Variants in PTK2 observed in about 807,000 individuals in gnomAD.
PTK2 encodes protein tyrosine kinase 2.
A neutral mutation model predicts 150.1 loss-of-function variants in PTK2; 45 were observed. The observed-to-expected ratio is 0.30, with a 90% CI of 0.24 to 0.38. The LOEUF is 0.38. PTK2 is among the 10% of genes least tolerant of loss of function. PTK2 has a pLI of 1.00. For synonymous variants in PTK2, 432 were observed against 449.2 expected (o/e 0.96, Z 0.48); for missense variants, 919 against 1,307.3 (o/e 0.70, Z 4.58).
intron 10 of PTK2, among the ~76,000 whole-genome samples, chr8:140,805,625 A>C (rs1158860832): frequency 1.3e-5 from 2 of 151,578 alleles, no homozygotes; most frequent in Non-Finnish European, 2.9e-5. Context: ...AGGCATTCTC[A>C]CTGATTCTTC....
At chr8:140,946,453 T>A (rs1042606913) in intron 1 of PTK2, among the ~76,000 whole-genome samples, 1 of 152,130 alleles carries the variant, frequency 6.6e-6, no homozygotes, top group Non-Finnish European at 1.5e-5. Flanking sequence ...AGGAGTTCAG[T>A]ATATAACTTT....
intron 1 of PTK2, among the ~76,000 whole-genome samples, chr8:140,933,826 A>G (rs2100172744): frequency 6.6e-6 from 1 of 152,190 alleles, no homozygotes; most frequent in African/African-American, 2.4e-5. Flanking sequence ...GATTGTACTC[A>G]TTGTATAGTA....
intron 1 of PTK2, among the ~76,000 whole-genome samples, chr8:140,930,360 C>T (rs934920986): frequency 6.6e-6 from 1 of 152,154 alleles, no homozygotes; most frequent in African/African-American, 2.4e-5. Flanking sequence ...TACTTTAAAA[C>T]TCCTTTATCT....
In PTK2 at chr8:140,759,404, C is replaced by T. The variant is rs563108524; in HGVS notation, c.1332+1761G>A. Among the ~76,000 whole-genome samples, 87 of 151,792 alleles carry T rather than the reference C, an allele frequency of 5.7e-4. 1 individual carries two copies. Among genetic ancestry groups the T allele is most frequent in the African/African-American group, 2.0e-3 (81 of 41,374 alleles). On this transcript the variant is annotated intron_variant, in intron 16 of 31. Coordinates refer to ENST00000522684, the Ensembl canonical transcript of PTK2. ...AAATAATTAGCTGGGAATGATGGCA[C>T]ACACTTGTAGTCCCAGCTACTTGGT...
chr8:140,772,403 C>T (rs374786024), intron 14 of PTK2, among the ~76,000 whole-genome samples: 2 of 152,054 alleles, frequency 1.3e-5, no homozygotes, highest in South Asian at 4.1e-4. Flanking sequence ...TCCAGCCTGG[C>T]GACAGAGGGA....
intron 2 of PTK2, among the ~76,000 whole-genome samples, chr8:140,918,603 CG>C (rs1455940784): frequency 6.6e-6 from 1 of 152,078 alleles, no homozygotes; most frequent in Non-Finnish European, 1.5e-5. Flanking sequence ...CAAATTCAAC[CG>C]CACAGTGAGC....
chr8:140,706,375 G>A (rs192512005), intron 23 of PTK2, among the ~76,000 whole-genome samples, 170 bp from the exon 27 acceptor site: 51 of 152,316 alleles, frequency 3.3e-4, no homozygotes, highest in Admixed American at 1.0e-3. Flanking sequence ...ATGATGCTGT[G>A]GCAACTGGAT....
rs2100103178 is a variant in PTK2 at position 140,814,015 on chromosome 8, C to T, written c.867+4262G>A. 2.6e-5 allele frequency among the ~76,000 whole-genome samples: 4 copies of T among 152,114 alleles called. No homozygotes were observed. In the South Asian group the frequency reaches 8.3e-4, roughly 32 times the overall value. On this transcript the variant is annotated intron_variant, in intron 10 of 31. Coordinates refer to ENST00000522684, the Ensembl canonical transcript of PTK2. ...GAAATACAAATAACTATCAGAGAAT[C>T]TTAGGAACACCTCTATGCACATAAA...
chr8:140,784,650 C>G (rs1473513640), intron 14 of PTK2, among the ~76,000 whole-genome samples: 1 of 152,106 alleles, frequency 6.6e-6, no homozygotes, highest in Non-Finnish European at 1.5e-5. Context: ...ACTGCAGCAC[C>G]TGACTTTCAG....
chr8:140,879,697 AAAAAC>A, intron 3 of PTK2, 60 bp from the exon 4 acceptor site: 1 of 1,243,594 alleles, frequency 8.0e-7, no homozygotes, highest in Non-Finnish European at 1.0e-6. Context: ...AAAAAAAAAA[AAAAAC>A]CAAAACAAAA....
At chr8:140,925,573 A>G in intron 2 of PTK2, 88 bp downstream of exon 2, 1 of 763,842 alleles carries the variant, frequency 1.3e-6, no homozygotes, top group East Asian at 1.3e-4. Flanking sequence ...TTCCAAAGAC[A>G]GACAACAGGA....
intron 10 of PTK2, among the ~76,000 whole-genome samples, chr8:140,806,453 G>A (rs181128650): frequency 6.6e-6 from 1 of 152,206 alleles, no homozygotes; most frequent in Admixed American, 6.5e-5. Context: ...ACATCATTAT[G>A]TTGGTGGTGA....
At chr8:140,687,300 G>A (rs528597465) in intron 26 of PTK2, among the ~76,000 whole-genome samples, 4 of 152,266 alleles carry the variant, frequency 2.6e-5, no homozygotes, top group South Asian at 2.1e-4. Flanking sequence ...TATGGGTTAC[G>A]GGCCTTCTAC....
At chr8:140,842,383 G>C (rs894201302) in intron 7 of PTK2, among the ~76,000 whole-genome samples, 1 of 151,248 alleles carries the variant, frequency 6.6e-6, no homozygotes, top group Non-Finnish European at 1.5e-5. Context: ...TTTTTATCCT[G>C]ATTGACAATC....
At chr8:140,907,754 G>A (rs1442529382) in intron 2 of PTK2, among the ~76,000 whole-genome samples, 1 of 151,972 alleles carries the variant, frequency 6.6e-6, no homozygotes, top group Non-Finnish European at 1.5e-5. Flanking sequence ...TATTTCTATT[G>A]TAACTGTCTT....
intron 7 of PTK2, among the ~76,000 whole-genome samples, chr8:140,839,965 A>C (rs980091643): frequency 1.3e-5 from 2 of 152,236 alleles, no homozygotes; most frequent in South Asian, 4.1e-4. Context: ...ATTTCTTGTC[A>C]TAACAGAGTA....
chr8:140,787,952 C>T (rs562802805), intron 14 of PTK2, among the ~76,000 whole-genome samples: 10 of 152,328 alleles, frequency 6.6e-5, no homozygotes, highest in Admixed American at 5.9e-4. Context: ...CTCCTCCAGA[C>T]TCCTGTGACT....
chr8:140,801,976 A>G (rs2100095318), intron 11 of PTK2, among the ~76,000 whole-genome samples: 1 of 152,190 alleles, frequency 6.6e-6, no homozygotes, highest in Admixed American at 6.5e-5. Flanking sequence ...GTCTTATAAA[A>G]GTATAGCACA....
At chr8:140,711,722 G>A (rs541400938) in intron 23 of PTK2, among the ~76,000 whole-genome samples, 109 of 152,192 alleles carry the variant, frequency 7.2e-4, no homozygotes, top group Non-Finnish European at 1.3e-3. Flanking sequence ...CTGTATTCAT[G>A]GTGAGTCCAC....
Sources: gnomAD v4.1 joint callset for allele counts (sites outside exome capture counted in the v4.1 genomes callset) on GRCh38, gnomAD v4.1.1 for gene constraint, MANE v1.5 for transcripts, NCBI Gene and HGNC (gene_info 2026-07-23, HGNC 2026-07-21) for gene names.